LARGE1: variants seen among roughly 807,000 people sequenced by gnomAD.
LARGE1 encodes xylosyl- and glucuronyltransferase LARGE1.
LARGE1 carries 43 observed loss-of-function variants against 87.6 expected under a neutral mutation model. The ratio of observed to expected loss-of-function variants is 0.49; its 90% CI spans 0.38 to 0.63. The LOEUF is 0.63. LARGE1 is among the 30% of genes least tolerant of loss of function. LARGE1 has a pLI of 0.00. For synonymous variants in LARGE1, 434 were observed against 394.6 expected (o/e 1.10, Z -1.18); for missense variants, 802 against 1,000.2 (o/e 0.80, Z 2.67).
At chr22:33,531,172 T>G (rs569547146) in intron 6 of LARGE1, among the ~76,000 whole-genome samples, 17 of 152,322 alleles carry the variant, frequency 1.1e-4, no homozygotes, top group South Asian at 1.0e-3. Context: ...GTTTTGTTTT[T>G]TTGAGATGGA....
In LARGE1 at chr22:33,761,455, TC is replaced by T; in HGVS notation, c.21del (p.Arg8AspfsTer9). The T allele has an allele frequency of 6.2e-7, 1 of 1,613,720 alleles. No homozygotes were observed. The highest frequency in any genetic ancestry group is 8.5e-7 in the Non-Finnish European group (1 of 1,179,854). On this transcript the variant is annotated frameshift_variant, in exon 2 of 15. Transcript: ENST00000397394. LOFTEE classifies it high-confidence loss of function. The part of the protein sequence containing the change: MLGICR[G>X]RRKFLAASLS... Reference sequence around the variant, plus strand: ...AACGAGGCAGCCAAGAATTTCCGTCTCCCCCTGCAGATTCCCAGCATCCTCT... The same window carrying T: ...AACGAGGCAGCCAAGAATTTCCGTCTCCCCTGCAGATTCCCAGCATCCTCT...
intron 1 of LARGE1, among the ~76,000 whole-genome samples, chr22:33,846,236 G>A (rs2063426395): frequency 6.6e-6 from 1 of 152,210 alleles, no homozygotes; most frequent in Non-Finnish European, 1.5e-5. Flanking sequence ...AGATTTCATG[G>A]ACATTTATTA....
At chr22:33,699,466 C>A (rs1325798251) in intron 2 of LARGE1, among the ~76,000 whole-genome samples, 1 of 152,176 alleles carries the variant, frequency 6.6e-6, no homozygotes, top group Middle Eastern at 3.2e-3. Flanking sequence ...CTCCACAGAG[C>A]TGCAAAGTGG....
chr22:33,722,428 T>C (rs1436369919), intron 2 of LARGE1, among the ~76,000 whole-genome samples: 3 of 151,902 alleles, frequency 2.0e-5, no homozygotes, highest in African/African-American at 7.3e-5. Flanking sequence ...TATAAGTCAT[T>C]AGGAAGATAC....
intron 1 of LARGE1, among the ~76,000 whole-genome samples, chr22:33,833,550 C>A (rs1182114379): frequency 1.3e-5 from 2 of 152,192 alleles, no homozygotes; most frequent in Non-Finnish European, 2.9e-5. Context: ...GACTTCTAGC[C>A]TGCAGAACTG....
intron 1 of LARGE1, among the ~76,000 whole-genome samples, chr22:33,854,695 A>G (rs968441894): frequency 6.6e-6 from 1 of 152,038 alleles, no homozygotes; most frequent in Non-Finnish European, 1.5e-5. Flanking sequence ...AAAAGGTCCA[A>G]TTTAACAAAG....
chr22:33,117,527 G>A, the LARGE1 span, among the ~76,000 whole-genome samples: 7 of 152,164 alleles, frequency 4.6e-5, no homozygotes, highest in African/African-American at 1.7e-4. Context: ...GGAGATTGGG[G>A]AGGGTCAGGA....
chr22:33,779,600 T>A (rs412701), intron 1 of LARGE1, among the ~76,000 whole-genome samples: 1 of 151,784 alleles, frequency 6.6e-6, no homozygotes, highest in Non-Finnish European at 1.5e-5. Context: ...TCCAACATAG[T>A]GAAACCCCAT....
At chr22:33,832,026 T>C (rs915233115) in intron 1 of LARGE1, among the ~76,000 whole-genome samples, 1 of 152,166 alleles carries the variant, frequency 6.6e-6, no homozygotes, top group Non-Finnish European at 1.5e-5. Context: ...CCCTTCTTCC[T>C]TTCACCCAGC....
intron 11 of LARGE1, among the ~76,000 whole-genome samples, chr22:33,260,018 C>T (rs561960638): frequency 6.6e-6 from 1 of 152,326 alleles, no homozygotes; most frequent in East Asian, 1.9e-4. Flanking sequence ...TCACTTTGGG[C>T]CATTATTCCC....
intron 1 of LARGE1, among the ~76,000 whole-genome samples, chr22:33,762,892 T>G (rs1022019174): frequency 3.3e-5 from 5 of 152,202 alleles, no homozygotes; most frequent in South Asian, 4.2e-4. Context: ...CACATGGTGC[T>G]TCCCTAACAG....
intron 9 of LARGE1, among the ~76,000 whole-genome samples, chr22:33,350,067 T>C (rs1462970589): frequency 6.6e-6 from 1 of 152,142 alleles, no homozygotes; most frequent in African/African-American, 2.4e-5. Context: ...AGGTAGAGGC[T>C]AAGGAGGGGA....
At chr22:33,477,343 CTT>C (rs2069124294) in intron 6 of LARGE1, among the ~76,000 whole-genome samples, 1 of 152,158 alleles carries the variant, frequency 6.6e-6, no homozygotes, top group Non-Finnish European at 1.5e-5. Flanking sequence ...CTAAAGAACT[CTT>C]TGTTAAAAGT....
intron 1 of LARGE1, among the ~76,000 whole-genome samples, chr22:33,818,847 C>T (rs1168549512): frequency 6.6e-6 from 1 of 152,166 alleles, no homozygotes; most frequent in Admixed American, 6.5e-5. Context: ...GGGCAAGAGT[C>T]CAGGACTTCC....
At chr22:33,919,472 C>G (rs1018661028) in intron 1 of LARGE1, among the ~76,000 whole-genome samples, 3 of 152,232 alleles carry the variant, frequency 2.0e-5, no homozygotes, top group Non-Finnish European at 4.4e-5. Context: ...GGGCTTCCCC[C>G]CTACAGATAG....
chr22:33,293,524 A>T (rs117301519), intron 12 of LARGE1, among the ~76,000 whole-genome samples: 3,798 of 152,320 alleles, frequency 0.025, 86 homozygotes, highest in Non-Finnish European at 0.039. Flanking sequence ...CAAGTCTGTT[A>T]ATGCAGTGAT....
At chr22:33,829,006 C>CTTTTTTTTTTTT (rs776583343) in intron 1 of LARGE1, among the ~76,000 whole-genome samples, 3 of 94,796 alleles carry the variant, frequency 3.2e-5, no homozygotes, top group East Asian at 3.3e-4. Context: ...GTCTCTTTTT[C>CTTTTTTTTTTTT]TTTTTTTTTT....
intron 6 of LARGE1, among the ~76,000 whole-genome samples, chr22:33,456,168 T>TG (rs1244073642): frequency 9.9e-5 from 15 of 152,192 alleles, no homozygotes; most frequent in Non-Finnish European, 5.9e-5. Flanking sequence ...CCTCCACTCT[T>TG]GCAAAATAAG....
At chr22:33,832,332 T>C (rs1028376440) in intron 1 of LARGE1, among the ~76,000 whole-genome samples, 11 of 152,064 alleles carry the variant, frequency 7.2e-5, no homozygotes, top group African/African-American at 2.2e-4. Flanking sequence ...AAGCCCGAGG[T>C]ACCCTGTGAG....
Sources: gnomAD v4.1 joint callset for allele counts (sites outside exome capture counted in the v4.1 genomes callset) on GRCh38, gnomAD v4.1.1 for gene constraint, MANE v1.5 for transcripts, NCBI Gene and HGNC (gene_info 2026-07-23, HGNC 2026-07-21) for gene names.